The following FHIT variants were observed in gnomAD, a reference collection of about 807,000 sequenced individuals.
FHIT encodes the protein bis(5'-adenosyl)-triphosphatase.
FHIT carries 19 observed loss-of-function variants against 17.9 expected under a neutral mutation model. That is an observed-to-expected ratio of 1.06 (90% CI 0.74 to 1.56). The LOEUF (loss-of-function observed/expected upper bound fraction) is 1.56. Ranked by LOEUF, FHIT falls within the 40% of genes most tolerant of loss-of-function variation. The pLI, the probability that FHIT is intolerant of heterozygous loss-of-function variation, is 0.00. For synonymous variants in FHIT, 81 were observed against 69.7 expected, an observed-to-expected ratio of 1.16 and a Z score of -0.81; for missense variants, 248 against 189.2, an observed-to-expected ratio of 1.31 and a Z score of -1.82.
In FHIT at chr3:60,299,517, A is replaced by G. The variant is rs147720676; in HGVS notation, c.103+237343T>C. The stretch of plus-strand genomic sequence containing the variant: ...AAGTTGACAGTTATTTTCTTTCAGT[A>G]TGGAAAAAATATGATGCCACTTTTG... On this transcript the variant is annotated intron_variant, in intron 5 of 9. Coordinates refer to ENST00000492590, the MANE Select transcript of FHIT (RefSeq NM_002012.4). 4.7e-3 allele frequency among the ~76,000 whole-genome samples: 712 copies of G among 152,208 alleles called. 6 individuals carry two copies. The highest frequency in any genetic ancestry group is 0.016 in the African/African-American group (681 of 41,572).
intron 5 of FHIT, among the ~76,000 whole-genome samples, chr3:60,130,784 G>GTGTATATACACACATATATGTGTGT (rs148356992): frequency 9.0e-6 from 1 of 111,628 alleles, no homozygotes; most frequent in Admixed American, 8.9e-5. Context: ...GTGTGTGTGT[G>GTGTATATACACACATATATGTGTGT]GTGTGTATAT....
At chr3:60,029,829 C>G (rs1191086108) in intron 5 of FHIT, among the ~76,000 whole-genome samples, 1 of 150,204 alleles carries the variant, frequency 6.7e-6, no homozygotes, top group Non-Finnish European at 1.5e-5. Context: ...ATTGTAGCAC[C>G]AGAAAGAGGT....
intron 2 of FHIT, among the ~76,000 whole-genome samples, chr3:61,137,175 C>T (rs912745944): frequency 1.4e-4 from 21 of 151,854 alleles, no homozygotes; most frequent in African/African-American, 4.6e-4. Flanking sequence ...CCCAAGAACT[C>T]CAGTTTTATA....
chr3:60,774,765 G>A (rs1553724098), intron 4 of FHIT, among the ~76,000 whole-genome samples: 1 of 152,138 alleles, frequency 6.6e-6, no homozygotes, highest in Admixed American at 6.5e-5. Flanking sequence ...TGATCACAGA[G>A]CTAGCTATAA....
At chr3:60,544,574 T>G (rs569449851) in intron 4 of FHIT, among the ~76,000 whole-genome samples, 2 of 151,030 alleles carry the variant, frequency 1.3e-5, no homozygotes, top group East Asian at 1.9e-4. Context: ...ATAAGTGAAG[T>G]TGGCCAATAA....
At chr3:60,009,455 A>G (rs988144192) in intron 7 of FHIT, among the ~76,000 whole-genome samples, 17 of 152,090 alleles carry the variant, frequency 1.1e-4, no homozygotes, top group Non-Finnish European at 2.1e-4. Flanking sequence ...TATAAGTACT[A>G]TATGTTAAGA....
At chr3:60,945,855 G>A (rs35675876) in intron 3 of FHIT, among the ~76,000 whole-genome samples, 30,475 of 152,038 alleles carry the variant, frequency 0.2, 3,503 homozygotes, top group Middle Eastern at 0.3. Flanking sequence ...TGAGGTACAG[G>A]TGAAGATATA....
intron 5 of FHIT, among the ~76,000 whole-genome samples, chr3:60,027,208 T>C (rs1700789391): frequency 6.6e-6 from 1 of 151,852 alleles, no homozygotes; most frequent in Non-Finnish European, 1.5e-5. Context: ...ACAAGATTTC[T>C]ATATATTTGA....
chr3:60,620,814 AGTGT>A lies in FHIT; in HGVS notation c.-17-83839_-17-83836del, dbSNP rs782345974. Among the ~76,000 whole-genome samples the A allele has an allele frequency of 7.8e-4, 119 of 152,294 alleles. 1 individual carries two copies. The highest frequency in any genetic ancestry group is 1.3e-3 in the Non-Finnish European group (89 of 68,030). On this transcript the variant is annotated intron_variant, in intron 4 of 9. Coordinates refer to ENST00000492590, the MANE Select transcript of FHIT (RefSeq NM_002012.4). Reference sequence around the variant, plus strand: ...ATAACCTACAGACTTGGTTAATAATAGTGTATCAAAATTGGCTCATCAAATGTAA... The same window carrying A: ...ATAACCTACAGACTTGGTTAATAATAATCAAAATTGGCTCATCAAATGTAA...
chr3:59,847,838 G>T (rs934498246), intron 8 of FHIT, among the ~76,000 whole-genome samples: 2 of 152,112 alleles, frequency 1.3e-5, no homozygotes, highest in African/African-American at 4.8e-5. Context: ...CCAGTGCCTT[G>T]CCTGGAACAT....
At chr3:61,211,822 G>A (rs1015734588) in intron 1 of FHIT, among the ~76,000 whole-genome samples, 3 of 152,154 alleles carry the variant, frequency 2.0e-5, no homozygotes, top group Non-Finnish European at 4.4e-5. Flanking sequence ...CCAGAGGAAC[G>A]ATCAGACAGC....
intron 2 of FHIT, among the ~76,000 whole-genome samples, chr3:61,154,537 C>A (rs1333897192): frequency 1.3e-5 from 2 of 152,092 alleles, no homozygotes; most frequent in Non-Finnish European, 2.9e-5. Flanking sequence ...GCATTTGCTA[C>A]CCCCTAAAAT....
chr3:60,470,772 G>C (rs1004852502), intron 5 of FHIT, among the ~76,000 whole-genome samples: 1 of 152,016 alleles, frequency 6.6e-6, no homozygotes, highest in Non-Finnish European at 1.5e-5. Context: ...TTTTCCTCAA[G>C]CAGAAGGGAT....
At chr3:60,436,020 T>C (rs749902774) in intron 5 of FHIT, among the ~76,000 whole-genome samples, 1 of 152,072 alleles carries the variant, frequency 6.6e-6, no homozygotes, top group Non-Finnish European at 1.5e-5. Flanking sequence ...TAGTATTCCA[T>C]GTGTATATGT....
chr3:61,092,822 A>T (rs1245995939), intron 2 of FHIT, among the ~76,000 whole-genome samples: 2 of 152,318 alleles, frequency 1.3e-5, no homozygotes, highest in African/African-American at 4.8e-5. Flanking sequence ...AAGGATTGAC[A>T]ATAAAAGCAA....
At chr3:60,521,483 G>T (rs111653908) in intron 5 of FHIT, among the ~76,000 whole-genome samples, 1 of 152,094 alleles carries the variant, frequency 6.6e-6, no homozygotes. Context: ...TGCTGACTTC[G>T]TGATCCGCCC....
intron 8 of FHIT, among the ~76,000 whole-genome samples, chr3:59,885,012 C>T (rs1180877262): frequency 6.6e-6 from 1 of 152,154 alleles, no homozygotes; most frequent in Non-Finnish European, 1.5e-5. Flanking sequence ...AAGAAAAATT[C>T]ACCAAAACAA....
At chr3:60,551,297 T>C (rs1268384318) in intron 4 of FHIT, among the ~76,000 whole-genome samples, 1 of 150,048 alleles carries the variant, frequency 6.7e-6, no homozygotes, top group Non-Finnish European at 1.5e-5. Context: ...GGGTCTAAAT[T>C]TGACTTTCAA....
At chr3:61,221,880 C>G (rs1331221309) in intron 1 of FHIT, among the ~76,000 whole-genome samples, 1 of 152,200 alleles carries the variant, frequency 6.6e-6, no homozygotes, top group Non-Finnish European at 1.5e-5. Context: ...ACCAGACTGA[C>G]CCAGCCTTGG....
Sources: allele counts gnomAD v4.1 joint callset (sites outside exome capture counted in the v4.1 genomes callset), GRCh38; gene constraint gnomAD v4.1.1; transcripts MANE v1.5; gene names NCBI Gene and HGNC (gene_info 2026-07-23, HGNC 2026-07-21).